SIDT1: variants seen among roughly 807,000 people sequenced by gnomAD.
SIDT1 encodes SID1 transmembrane family member 1, also known as SID1 transmembrane family, member 1.
SIDT1 carries 101 observed loss-of-function variants against 107.5 expected under a neutral mutation model. That is an observed-to-expected ratio of 0.94 (90% CI 0.80 to 1.11). The LOEUF is 1.11. Ranked by LOEUF, SIDT1 falls within the 50% of genes least tolerant of loss-of-function variation. SIDT1 has a pLI of 0.00. For synonymous variants in SIDT1, 395 were observed against 398.2 expected (o/e 0.99, Z 0.10); for missense variants, 1,076 against 1,058.2 (o/e 1.02, Z -0.23).
At chr3:113,581,486 C>G in intron 6 of SIDT1, 42 bp downstream of exon 6, 3 of 1,471,982 alleles carry the variant, frequency 2.0e-6, no homozygotes, top group Non-Finnish European at 2.9e-6. Flanking sequence ...AATGGTAATG[C>G]TCAATAGATA....
intron 19 of SIDT1, among the ~76,000 whole-genome samples, chr3:113,613,839 ATTATC>A (rs756178281): frequency 6.6e-6 from 1 of 152,262 alleles, no homozygotes; most frequent in Non-Finnish European, 1.5e-5. Flanking sequence ...GCAATGCCAA[ATTATC>A]TTATCTTTTA....
At chr3:113,569,305 A>T (rs577446409) in intron 3 of SIDT1, among the ~76,000 whole-genome samples, 1 of 152,294 alleles carries the variant, frequency 6.6e-6, no homozygotes, top group South Asian at 2.1e-4. Context: ...ACGATAATTT[A>T]TTCAAATATA....
rs1256829450 is a variant in SIDT1, at chr3:113,567,541, T to C, written c.346T>C (p.Tyr116His). The C allele has an allele frequency of 1.2e-6, 2 of 1,611,644 alleles. No homozygotes were observed. The highest frequency in any genetic ancestry group is 8.5e-7 in the Non-Finnish European group (1 of 1,178,908). ...WQVPLLFQGL[Y>H]QRSYNYQEVS... ...TTTCCCCTATATTGGCTGCTTCAGA[T>C]ACCAGAGGAGCTACAACTATCAAGA... Residue 116 changes from tyrosine (Y) to histidine (H), a missense_variant and splice_region_variant, in exon 3 of 25, where the codon TAC (tyrosine) becomes CAC (histidine). Tyr to His is a moderately conservative substitution (Grantham distance 83, BLOSUM62 2). Transcript: ENST00000264852.
At position 113,567,727 on chromosome 3, in the gene SIDT1, C is replaced by T; in HGVS notation, c.515+17C>T. ...CCAGCTCCGGTAAGCGGGACTTTCT[C>T]TGTTTACCTGTCTGTGTTTCCTGTG... is the stretch of plus-strand genomic sequence containing the variant. On this transcript the variant is annotated intron_variant, in intron 3 of 24. Coordinates refer to ENST00000264852, the MANE Select transcript of SIDT1 (RefSeq NM_017699.3). 1.2e-6 allele frequency: 2 copies of T among 1,610,664 alleles called. 1 individual carries two copies. Among genetic ancestry groups the T allele is most frequent in the South Asian group, 2.2e-5 (2 of 90,622 alleles).
chr3:113,576,242 A>C (rs1223070701), intron 3 of SIDT1, among the ~76,000 whole-genome samples: 1 of 152,224 alleles, frequency 6.6e-6, no homozygotes, highest in Non-Finnish European at 1.5e-5. Context: ...TGTAATTCAC[A>C]GTAAATTACC....
At chr3:113,561,200 C>T (rs770035035) in intron 1 of SIDT1, among the ~76,000 whole-genome samples, 2 of 152,168 alleles carry the variant, frequency 1.3e-5, no homozygotes, top group African/African-American at 2.4e-5. Context: ...TTCTCAGCTG[C>T]ATATTAGCCT....
intron 10 of SIDT1, among the ~76,000 whole-genome samples, chr3:113,595,689 ATAAC>A (rs1268617166): frequency 6.6e-6 from 1 of 152,208 alleles, no homozygotes; most frequent in Non-Finnish European, 1.5e-5. Context: ...AGACACCTAA[ATAAC>A]ACACCAGCTT....
chr3:113,567,461 A>G, intron 2 of SIDT1, 79 bp from the exon 3 acceptor site: 2 of 1,207,008 alleles, frequency 1.7e-6, no homozygotes, highest in Non-Finnish European at 2.3e-6. Context: ...GCAAAATGAG[A>G]TAGGCTCCTT....
At chr3:113,554,426 T>C (rs1940614539) in intron 1 of SIDT1, among the ~76,000 whole-genome samples, 1 of 151,976 alleles carries the variant, frequency 6.6e-6, no homozygotes, top group Non-Finnish European at 1.5e-5. Flanking sequence ...CGATGGGAGG[T>C]AACTGAATCA....
Position 113,593,031 on chromosome 3 carries a change from G to T in SIDT1, c.1028G>T (p.Ser343Ile). 1 of 1,613,736 alleles carries T rather than the reference G, an allele frequency of 6.2e-7. No individual in the cohort carries two copies. Among genetic ancestry groups the T allele is most frequent in the South Asian group, 1.1e-5 (1 of 91,076 alleles). Residue 343 changes from serine (S) to isoleucine (I), a missense_variant, in exon 10 of 25, where the codon AGC becomes ATC. Ser to Ile is a moderately radical substitution (Grantham distance 142, BLOSUM62 -2). Coordinates refer to ENST00000264852, the MANE Select transcript of SIDT1 (RefSeq NM_017699.3). ...TTTCAGAGAAAATCCATTGATGGAAGCTTTGGGTCCAATGATGGTAAGAGC... is the reference window on the plus strand; with the variant it reads ...TTTCAGAGAAAATCCATTGATGGAATCTTTGGGTCCAATGATGGTAAGAGC... ...LRFQRKSIDGSFGSNDGSGNM... is the reference protein window; with the variant it reads ...LRFQRKSIDGIFGSNDGSGNM...
At chr3:113,624,691 T>C (rs994811925) in intron 23 of SIDT1, among the ~76,000 whole-genome samples, 3 of 151,840 alleles carry the variant, frequency 2.0e-5, no homozygotes, top group African/African-American at 4.8e-5. Flanking sequence ...CATCTCCCTC[T>C]CCCCCCACCC....
chr3:113,567,473 C>G (rs1201340912), intron 2 of SIDT1, 67 bp from the exon 3 acceptor site: 1 of 1,337,126 alleles, frequency 7.5e-7, no homozygotes, highest in Admixed American at 2.2e-5. Flanking sequence ...AGGCTCCTTT[C>G]CCTGCTCATT....
chr3:113,582,064 A>T (rs570958404), intron 6 of SIDT1, among the ~76,000 whole-genome samples: 1 of 152,332 alleles, frequency 6.6e-6, no homozygotes, highest in Admixed American at 6.5e-5. Flanking sequence ...CATTTAAAGC[A>T]ATTAAACATA....
intron 1 of SIDT1, among the ~76,000 whole-genome samples, chr3:113,552,003 A>G (rs756734523): frequency 6.6e-6 from 1 of 152,148 alleles, no homozygotes; most frequent in African/African-American, 2.4e-5. Flanking sequence ...CTAAGCCACC[A>G]TGAAGATAAG....
chr3:113,611,216 A>G, intron 18 of SIDT1, 72 bp downstream of exon 18: 1 of 1,553,850 alleles, frequency 6.4e-7, no homozygotes, highest in Admixed American at 1.8e-5. Context: ...AACAACAATC[A>G]AGTGAACGGG....
rs1224782077 is a variant in SIDT1, at chr3:113,581,295, T to A, written c.664-66T>A. On this transcript the variant is annotated intron_variant, in intron 5 of 24. Coordinates refer to ENST00000264852, the MANE Select transcript of SIDT1 (RefSeq NM_017699.3). ...CAAGCAGAAAGATGCTGACAGGACC[T>A]ATGTGTGGCATGACATTGCATGACA... 3 of 1,282,658 alleles carry A rather than the reference T, an allele frequency of 2.3e-6. No individual in the cohort carries two copies. In the African/African-American group the frequency reaches 4.4e-5, roughly 19 times the overall value. The allele number at this position is 1,282,658 out of a possible 1,614,324, so 79.5% of individuals were successfully genotyped here. A position where few individuals can be genotyped will look rare whatever the true frequency, so the allele number is the denominator to read the frequency against.
chr3:113,574,419 A>T (rs1942735761), intron 3 of SIDT1, among the ~76,000 whole-genome samples: 1 of 152,150 alleles, frequency 6.6e-6, no homozygotes, highest in Non-Finnish European at 1.5e-5. Context: ...CCTTCAACAA[A>T]CAAAGGAGGG....
chr3:113,626,097 TC>T lies in SIDT1; in HGVS notation c.2308-3del. On this transcript the variant is annotated splice_region_variant and splice_polypyrimidine_tract_variant and intron_variant, in intron 23 of 24. Coordinates refer to ENST00000264852, the MANE Select transcript of SIDT1 (RefSeq NM_017699.3). ...TTGCCCATGTCCTGCCTCACCTTCC[TC>T]CAGGGAACTCCGGCCGAATCCCGGG... The T allele has an allele frequency of 6.2e-7, 1 of 1,609,108 alleles. No homozygotes were observed. The highest frequency in any genetic ancestry group is 8.5e-7 in the Non-Finnish European group (1 of 1,175,472).
intron 19 of SIDT1, chr3:113,615,021 CTCTT>C (rs1560131145): frequency 6.5e-7 from 1 of 1,535,076 alleles, no homozygotes; most frequent in Admixed American, 2.0e-5. Context: ...TTACACGTCT[CTCTT>C]TTTTTTCTCC....
Sources: gnomAD v4.1 joint callset for allele counts (sites outside exome capture counted in the v4.1 genomes callset) on GRCh38, gnomAD v4.1.1 for gene constraint, MANE v1.5 for transcripts, NCBI Gene and HGNC (gene_info 2026-07-23, HGNC 2026-07-21) for gene names.